The following MSRA variants were observed in gnomAD, a reference collection of about 807,000 sequenced individuals.
MSRA encodes methionine sulfoxide reductase A, also known as mitochondrial peptide methionine sulfoxide reductase.
MSRA carries 54 observed loss-of-function variants against 31.3 expected under a neutral mutation model. That is an observed-to-expected ratio of 1.73 (90% CI 1.39 to 2.17). The LOEUF is 2.17. Among genes scored for constraint, MSRA ranks in the 30% most tolerant of loss-of-function variants. MSRA has a pLI of 0.00. For synonymous variants in MSRA, 169 were observed against 116.5 expected (o/e 1.45, Z -2.90); for missense variants, 507 against 300.9 (o/e 1.69, Z -5.07).
chr8:10,321,710 AG>A (rs1276784129), intron 5 of MSRA, among the ~76,000 whole-genome samples: 1 of 152,226 alleles, frequency 6.6e-6, no homozygotes, highest in East Asian at 1.9e-4. Flanking sequence ...TGGTAGGGGA[AG>A]CCAGTTGCCA....
chr8:10,134,780 T>C (rs1274777984), intron 1 of MSRA, among the ~76,000 whole-genome samples: 1 of 152,254 alleles, frequency 6.6e-6, no homozygotes, highest in Admixed American at 6.5e-5. Flanking sequence ...AAACGCTTGG[T>C]TGAAGTATAT....
intron 5 of MSRA, among the ~76,000 whole-genome samples, chr8:10,385,125 G>C (rs1408001889): frequency 6.6e-6 from 1 of 152,216 alleles, no homozygotes; most frequent in Non-Finnish European, 1.5e-5. Context: ...GTAAGGAGCA[G>C]GAGATGGAGG....
chr8:10,389,848 A>G (rs925208278), intron 5 of MSRA, among the ~76,000 whole-genome samples: 2 of 141,492 alleles, frequency 1.4e-5, no homozygotes, highest in African/African-American at 5.3e-5. Flanking sequence ...CCCATTGTAT[A>G]CAACCACACA....
At position 10,408,832 on chromosome 8, in the gene MSRA, G is replaced by C. The variant is rs567885675; in HGVS notation, c.544-19316G>C. ...GAACATGCAGTAGTTGACCTTCTGTGTCTGAGTTATTTCACTTAGCATAAT... is the reference window on the plus strand; with the variant it reads ...GAACATGCAGTAGTTGACCTTCTGTCTCTGAGTTATTTCACTTAGCATAAT... On this transcript the variant is annotated intron_variant, in intron 5 of 5. Coordinates refer to ENST00000317173, the MANE Select transcript of MSRA (RefSeq NM_012331.5). Among the ~76,000 whole-genome samples, 4 of 144,152 alleles carry C rather than the reference G, an allele frequency of 2.8e-5. No homozygotes were observed. In the South Asian group the frequency reaches 8.6e-4, roughly 31 times the overall value. 94.6% of individuals were successfully genotyped at this position (144,152 alleles called of 152,430 possible). A position where few individuals can be genotyped will look rare whatever the true frequency, so the allele number is the denominator to read the frequency against.
At chr8:10,275,767 T>G (rs1799288634) in intron 3 of MSRA, among the ~76,000 whole-genome samples, 1 of 152,066 alleles carries the variant, frequency 6.6e-6, no homozygotes, top group African/African-American at 2.4e-5. Context: ...ACAGGAAACC[T>G]CAGTACAATC....
chr8:10,300,290 C>T (rs914890931), intron 3 of MSRA, among the ~76,000 whole-genome samples: 2 of 151,994 alleles, frequency 1.3e-5, no homozygotes, highest in Non-Finnish European at 2.9e-5. Flanking sequence ...GAGTCTCACC[C>T]TGTTGCCAAG....
In MSRA at chr8:10,295,752, C is replaced by T. The variant is rs549419403; in HGVS notation, c.332-5782C>T. ...GGACTTGTACTCTGGATCTGCAGCCCAGGCAGCAGTGGGAGCCTTTCCTCC... is the reference window on the plus strand; with the variant it reads ...GGACTTGTACTCTGGATCTGCAGCCTAGGCAGCAGTGGGAGCCTTTCCTCC... On this transcript the variant is annotated intron_variant, in intron 3 of 5. Transcript: ENST00000317173. Among the ~76,000 whole-genome samples, 3 of 152,294 alleles carry T rather than the reference C, an allele frequency of 2.0e-5. No individual in the cohort carries two copies. The South Asian group carries it at 6.2e-4, about 32-fold the overall frequency.
intron 1 of MSRA, among the ~76,000 whole-genome samples, chr8:10,099,117 G>T (rs1244554802): frequency 1.3e-5 from 2 of 152,206 alleles, no homozygotes; most frequent in East Asian, 3.8e-4. Flanking sequence ...GAGTGAGAGA[G>T]AGAGAGAGTG....
intron 2 of MSRA, among the ~76,000 whole-genome samples, chr8:10,234,402 A>G (rs1054976740): frequency 6.6e-6 from 1 of 152,126 alleles, no homozygotes; most frequent in Non-Finnish European, 1.5e-5. Flanking sequence ...TGGTTTGGAA[A>G]ACATAGTGAA....
chr8:10,157,623 C>G lies in MSRA; in HGVS notation c.143-50210C>G, dbSNP rs1255726469. ...AATGAAAGTTCTCATAGGTTTTTTA[C>G]ACTCTAAAATAATAATAATAATAGT... On this transcript the variant is annotated intron_variant, in intron 1 of 5. Transcript: ENST00000317173. 3.9e-5 allele frequency among the ~76,000 whole-genome samples: 6 copies of G among 151,924 alleles called. No individual in the cohort carries two copies. The South Asian group carries it at 1.3e-3, about 32-fold the overall frequency.
rs577060821 is a variant in MSRA at position 10,142,229 on chromosome 8, A to T, written c.143-65604A>T. Among the ~76,000 whole-genome samples, 33 of 152,090 alleles carry T rather than the reference A, an allele frequency of 2.2e-4. 1 individual carries two copies. The highest frequency in any genetic ancestry group is 8.0e-4 in the African/African-American group (33 of 41,374). Reference sequence around the variant, plus strand: ...CACCTTGACCTCCCAAACTCCTGGGATTACAGGCATGAGCCACCGTGCCTG... The same window carrying T: ...CACCTTGACCTCCCAAACTCCTGGGTTTACAGGCATGAGCCACCGTGCCTG... On this transcript the variant is annotated intron_variant, in intron 1 of 5. Coordinates refer to ENST00000317173, the MANE Select transcript of MSRA (RefSeq NM_012331.5).
intron 1 of MSRA, among the ~76,000 whole-genome samples, chr8:10,173,095 C>T (rs1805741943): frequency 6.6e-6 from 1 of 152,268 alleles, no homozygotes; most frequent in Middle Eastern, 3.2e-3. Flanking sequence ...ACCTTTTTCT[C>T]ACAGCAATCT....
At chr8:10,388,823 G>A (rs1449945406) in intron 5 of MSRA, among the ~76,000 whole-genome samples, 1 of 151,730 alleles carries the variant, frequency 6.6e-6, no homozygotes, top group Non-Finnish European at 1.5e-5. Flanking sequence ...TCGCTGGTTT[G>A]ACCTACTAGA....
chr8:10,186,322 C>T (rs999093997), intron 1 of MSRA, among the ~76,000 whole-genome samples: 2 of 152,146 alleles, frequency 1.3e-5, no homozygotes, highest in East Asian at 3.9e-4. Flanking sequence ...GTTCCTGTCA[C>T]GATGACTGCA....
At chr8:10,399,537 A>G (rs940097011) in intron 5 of MSRA, among the ~76,000 whole-genome samples, 3 of 152,198 alleles carry the variant, frequency 2.0e-5, no homozygotes, top group Non-Finnish European at 4.4e-5. Context: ...GCCTTCAGCC[A>G]TAAGTAAAAA....
intron 3 of MSRA, among the ~76,000 whole-genome samples, chr8:10,262,311 C>T (rs1231486734): frequency 6.6e-6 from 1 of 152,200 alleles, no homozygotes; most frequent in Non-Finnish European, 1.5e-5. Context: ...AAACTGTCTT[C>T]CAAAGTGACT....
intron 5 of MSRA, among the ~76,000 whole-genome samples, chr8:10,390,328 T>C (rs1468315189): frequency 3.3e-5 from 5 of 152,182 alleles, no homozygotes; most frequent in Non-Finnish European, 5.9e-5. Context: ...CTGGCAGTTA[T>C]CTGGTAATGA....
At chr8:10,368,052 C>T (rs915696569) in intron 5 of MSRA, among the ~76,000 whole-genome samples, 2 of 152,056 alleles carry the variant, frequency 1.3e-5, no homozygotes, top group Admixed American at 6.6e-5. Context: ...TTCCCTGCCC[C>T]GCGAAGGAAT....
intron 1 of MSRA, among the ~76,000 whole-genome samples, chr8:10,171,346 C>T (rs965462041): frequency 6.7e-6 from 1 of 149,746 alleles, no homozygotes; most frequent in African/African-American, 2.4e-5. Context: ...ATTTTAAGAG[C>T]ACTATCCCAA....
Sources: gnomAD v4.1 joint callset for allele counts (sites outside exome capture counted in the v4.1 genomes callset) on GRCh38, gnomAD v4.1.1 for gene constraint, MANE v1.5 for transcripts, NCBI Gene and HGNC (gene_info 2026-07-23, HGNC 2026-07-21) for gene names.